Variants in LRRC7 observed in about 807,000 individuals in gnomAD.
LRRC7 encodes the protein leucine-rich repeat-containing protein 7.
A neutral mutation model predicts 175.7 loss-of-function variants in LRRC7; 23 were observed. That is an observed-to-expected ratio of 0.13 (90% CI 0.09 to 0.19). LRRC7 has a LOEUF of 0.19. Ranked by LOEUF, LRRC7 falls within the 10% of genes least tolerant of loss-of-function variation. The pLI is 1.00. For synonymous variants in LRRC7, 685 were observed against 680.9 expected (o/e 1.01, Z -0.09); for missense variants, 1,354 against 1,904.7 (o/e 0.71, Z 5.38).
At position 69,619,639 on chromosome 1, in the gene LRRC7, G is replaced by A. The variant is rs554693937; in HGVS notation, c.2+50998G>A. On this transcript the variant is annotated intron_variant, in intron 1 of 26. Coordinates refer to ENST00000651989, the MANE Select transcript of LRRC7 (RefSeq NM_001370785.2). Reference sequence around the variant, plus strand: ...AATTTCCCCCCAAAATTAACAGAGTGAGCTAATCATTTAAAGGACAACAAA... The same window carrying A: ...AATTTCCCCCCAAAATTAACAGAGTAAGCTAATCATTTAAAGGACAACAAA... 3.9e-5 allele frequency among the ~76,000 whole-genome samples: 6 copies of A among 152,246 alleles called. No individual in the cohort carries two copies. The East Asian group carries it at 1.2e-3, about 29-fold the overall frequency.
intron 8 of LRRC7, among the ~76,000 whole-genome samples, chr1:69,934,505 CGG>C (rs796318018): frequency 6.9e-5 from 2 of 29,016 alleles, no homozygotes; most frequent in East Asian, 4.0e-3. Flanking sequence ...GGGGGGGGGG[CGG>C]GGGGTGGGGG....
chr1:69,717,437 C>A (rs939133796), intron 2 of LRRC7, among the ~76,000 whole-genome samples: 3 of 151,598 alleles, frequency 2.0e-5, no homozygotes, highest in African/African-American at 7.3e-5. Context: ...CAATTGGAAC[C>A]ACACATTTTG....
intron 22 of LRRC7, among the ~76,000 whole-genome samples, chr1:70,050,808 C>T (rs1660689823): frequency 6.6e-6 from 1 of 152,056 alleles, no homozygotes; most frequent in Non-Finnish European, 1.5e-5. Flanking sequence ...CCACCACCAT[C>T]ACCAAATGTC....
chr1:69,773,649 C>T (rs1672489388), intron 3 of LRRC7, among the ~76,000 whole-genome samples: 1 of 152,058 alleles, frequency 6.6e-6, no homozygotes, highest in African/African-American at 2.4e-5. Flanking sequence ...GCTTATATGC[C>T]TGGACCAGAA....
At chr1:69,680,504 A>G (rs1203821049) in intron 2 of LRRC7, among the ~76,000 whole-genome samples, 1 of 152,150 alleles carries the variant, frequency 6.6e-6, no homozygotes, top group Non-Finnish European at 1.5e-5. Context: ...GTGTCACCAC[A>G]GAAATTCAGC....
chr1:69,649,239 A>G (rs1655428802), intron 1 of LRRC7, among the ~76,000 whole-genome samples: 1 of 152,218 alleles, frequency 6.6e-6, no homozygotes, highest in African/African-American at 2.4e-5. Context: ...TGGAAATTAT[A>G]ATAGTAACTT....
chr1:69,599,655 C>T (rs1646974754), intron 1 of LRRC7, among the ~76,000 whole-genome samples: 1 of 152,182 alleles, frequency 6.6e-6, no homozygotes, highest in African/African-American at 2.4e-5. Context: ...CTCCCAATTC[C>T]TTGGTTCTGG....
chr1:69,574,058 T>C (rs1370250490), intron 1 of LRRC7, among the ~76,000 whole-genome samples: 5 of 152,134 alleles, frequency 3.3e-5, no homozygotes, highest in Non-Finnish European at 7.4e-5. Context: ...GGTAGTATCA[T>C]AACAAATGGC....
intron 7 of LRRC7, among the ~76,000 whole-genome samples, chr1:69,915,377 T>G (rs1325260325): frequency 6.6e-6 from 1 of 152,160 alleles, no homozygotes; most frequent in African/African-American, 2.4e-5. Flanking sequence ...TTTCATAAAT[T>G]AAGTATGTCT....
intron 23 of LRRC7, among the ~76,000 whole-genome samples, chr1:70,054,865 C>T (rs878954595): frequency 6.6e-6 from 1 of 151,626 alleles, no homozygotes; most frequent in Admixed American, 6.6e-5. Flanking sequence ...GCTGGGTTTA[C>T]AGGCATGAAC....
At chr1:69,855,354 T>C (rs1683476713) in intron 7 of LRRC7, among the ~76,000 whole-genome samples, 1 of 152,156 alleles carries the variant, frequency 6.6e-6, no homozygotes, top group African/African-American at 2.4e-5. Flanking sequence ...TCAGAGAACA[T>C]CTTTATTTCT....
chr1:70,071,688 G>A (rs888087792), intron 23 of LRRC7, among the ~76,000 whole-genome samples: 1 of 152,084 alleles, frequency 6.6e-6, no homozygotes, highest in Admixed American at 6.5e-5. Context: ...TTTAATTTTA[G>A]GGAATGAATT....
At chr1:69,761,857 C>T (rs146802571) in intron 3 of LRRC7, among the ~76,000 whole-genome samples, 15 of 152,014 alleles carry the variant, frequency 9.9e-5, no homozygotes, top group African/African-American at 3.6e-4. Flanking sequence ...TCATATGCCA[C>T]AGGACTTGAT....
chr1:69,826,059 T>A (rs1679873447), intron 5 of LRRC7, among the ~76,000 whole-genome samples: 1 of 152,124 alleles, frequency 6.6e-6, no homozygotes, highest in South Asian at 2.1e-4. Context: ...AAACAAACTT[T>A]GTCACCATTT....
intron 5 of LRRC7, among the ~76,000 whole-genome samples, chr1:69,829,653 A>C (rs926277460): frequency 6.6e-5 from 10 of 151,846 alleles, no homozygotes; most frequent in Admixed American, 1.3e-4. Flanking sequence ...CTAATTTATA[A>C]AACATATATA....
chr1:69,668,855 G>C (rs762559657), intron 1 of LRRC7, among the ~76,000 whole-genome samples: 5 of 152,120 alleles, frequency 3.3e-5, no homozygotes, highest in Admixed American at 3.3e-4. Flanking sequence ...GCATGAGATG[G>C]TATCTCATTG....
At chr1:69,927,965 G>C (rs1570692087) in intron 7 of LRRC7, among the ~76,000 whole-genome samples, 1 of 152,088 alleles carries the variant, frequency 6.6e-6, no homozygotes, top group East Asian at 1.9e-4. Context: ...TTTGATGATG[G>C]TGATGTACAG....
intron 1 of LRRC7, among the ~76,000 whole-genome samples, chr1:69,574,940 T>C (rs1645885897): frequency 6.6e-6 from 1 of 152,096 alleles, no homozygotes; most frequent in Non-Finnish European, 1.5e-5. Context: ...TTAGAGTGAG[T>C]GTTAAATATT....
chr1:69,920,874 T>C (rs1018275707), intron 7 of LRRC7, among the ~76,000 whole-genome samples: 6 of 152,192 alleles, frequency 3.9e-5, no homozygotes, highest in Admixed American at 6.5e-5. Flanking sequence ...GTTGGGTACG[T>C]GGTCTCAGAG....
Sources: allele counts gnomAD v4.1 joint callset (sites outside exome capture counted in the v4.1 genomes callset), GRCh38; gene constraint gnomAD v4.1.1; transcripts MANE v1.5; gene names NCBI Gene and HGNC (gene_info 2026-07-23, HGNC 2026-07-21).